MEIOB: variants seen among roughly 807,000 people sequenced by gnomAD.
MEIOB encodes meiosis specific with OB-fold, also known as meiosis-specific with OB domain-containing protein.
In MEIOB, 50 loss-of-function variants were observed where a neutral mutation model predicts 53.1. The observed-to-expected ratio is 0.94, with a 90% CI of 0.75 to 1.19. The LOEUF is 1.19. Ranked by LOEUF, MEIOB falls within the 50% of genes most tolerant of loss-of-function variation. The pLI, the probability that MEIOB is intolerant of heterozygous loss-of-function variation, is 0.00. For synonymous variants in MEIOB, 192 were observed against 182.5 expected (o/e 1.05, Z -0.42); for missense variants, 551 against 550.8 (o/e 1.00, Z 0.00).
At position 1,837,876 on chromosome 16, in the gene MEIOB, T is replaced by TA. The variant is rs759300021; in HGVS notation, c.1219-7dup. On this transcript the variant is annotated splice_region_variant and splice_polypyrimidine_tract_variant and intron_variant, in intron 12 of 13. Coordinates refer to ENST00000325962, the MANE Select transcript of MEIOB (RefSeq NM_001163560.3). The stretch of plus-strand genomic sequence containing the variant: ...ATTGCAAGAAACTCATGTACCTGGT[T>TA]AAAAAAAAAATATGAGACAAATATA... 4,399 of 1,313,688 alleles carry TA rather than the reference T, an allele frequency of 3.3e-3. No homozygotes were observed. Among genetic ancestry groups the TA allele is most frequent in the South Asian group, 5.4e-3 (356 of 65,356 alleles). The allele number at this position is 1,313,688 out of a possible 1,614,324, so 81.4% of individuals were successfully genotyped here.
chr16:1,854,898 G>A (rs1899262792), intron 6 of MEIOB, among the ~76,000 whole-genome samples: 1 of 151,982 alleles, frequency 6.6e-6, no homozygotes, highest in South Asian at 2.1e-4. Flanking sequence ...TCTCATGTGG[G>A]AACGGCAGGC....
intron 9 of MEIOB, among the ~76,000 whole-genome samples, chr16:1,847,577 C>T (rs1233084432): frequency 1.4e-5 from 2 of 147,852 alleles, no homozygotes; most frequent in South Asian, 2.2e-4. Context: ...TTGAGACCCC[C>T]CAAAAAAAAG....
chr16:1,865,151 G>T (rs993245429), intron 3 of MEIOB, among the ~76,000 whole-genome samples: 3 of 152,064 alleles, frequency 2.0e-5, no homozygotes, highest in South Asian at 4.1e-4. Context: ...TCAACCAGGG[G>T]CTGGGCATGG....
intron 4 of MEIOB, among the ~76,000 whole-genome samples, chr16:1,861,601 G>A (rs1423740359): frequency 2.1e-5 from 3 of 145,454 alleles, no homozygotes; most frequent in Non-Finnish European, 3.0e-5. Flanking sequence ...GGAGTGCAGA[G>A]GTACGATGTT....
At chr16:1,864,916 T>A (rs1439330025) in intron 3 of MEIOB, among the ~76,000 whole-genome samples, 1 of 152,220 alleles carries the variant, frequency 6.6e-6, no homozygotes, top group East Asian at 1.9e-4. Flanking sequence ...AAACTATTTA[T>A]TTAGTATTTC....
At chr16:1,847,626 G>GA (rs550868281) in intron 9 of MEIOB, among the ~76,000 whole-genome samples, 7 of 151,686 alleles carry the variant, frequency 4.6e-5, no homozygotes, top group Admixed American at 1.3e-4. Flanking sequence ...AGGGGAGAAA[G>GA]AAAAAACAGA....
intron 7 of MEIOB, 54 bp from the exon 8 acceptor site, chr16:1,853,325 T>G: frequency 3.9e-6 from 5 of 1,298,072 alleles, no homozygotes; most frequent in Non-Finnish European, 5.4e-6. Context: ...AAAAAACTGA[T>G]AGTGACATAT....
intron 5 of MEIOB, among the ~76,000 whole-genome samples, chr16:1,858,384 C>G (rs191504951): frequency 6.6e-6 from 1 of 152,122 alleles, no homozygotes; most frequent in Non-Finnish European, 1.5e-5. Context: ...ACAGTGAGCC[C>G]GAACTGAGGA....
Position 1,865,446 on chromosome 16 carries a change from A to G in MEIOB, c.127+332T>C, listed in dbSNP as rs539713496. Among the ~76,000 whole-genome samples the G allele has an allele frequency of 6.6e-3, 925 of 139,398 alleles. 13 individuals are homozygous for G. Among genetic ancestry groups the G allele is most frequent in the African/African-American group, 0.024 (905 of 38,198 alleles). The allele number at this position is 139,398 out of a possible 152,430, so 91.5% of individuals were successfully genotyped here. A position where few individuals can be genotyped will look rare whatever the true frequency, so the allele number is the denominator to read the frequency against. ...GCCTCCATCTCAAAAAAAAAAAGAGAGAACACATGTACTCAAATATACATA... is the reference window on the plus strand; with the variant it reads ...GCCTCCATCTCAAAAAAAAAAAGAGGGAACACATGTACTCAAATATACATA... On this transcript the variant is annotated intron_variant, in intron 3 of 13. Transcript: ENST00000325962.
intron 6 of MEIOB, 172 bp downstream of exon 6, chr16:1,857,563 A>C (rs1899337479): frequency 1.8e-6 from 1 of 547,458 alleles, no homozygotes; most frequent in Admixed American, 3.7e-5. Flanking sequence ...CACAGATAAA[A>C]AGCTAGTTTC....
chr16:1,855,320 T>C (rs773208855), intron 6 of MEIOB, among the ~76,000 whole-genome samples: 3 of 152,070 alleles, frequency 2.0e-5, no homozygotes, highest in Non-Finnish European at 4.4e-5. Flanking sequence ...TAGTCCTGGC[T>C]ACTCGGGAGG....
intron 3 of MEIOB, among the ~76,000 whole-genome samples, chr16:1,864,920 G>T (rs1164171462): frequency 6.6e-6 from 1 of 152,112 alleles, no homozygotes; most frequent in Admixed American, 6.6e-5. Flanking sequence ...TATTTATTTA[G>T]TATTTCTGAT....
In MEIOB at chr16:1,857,947, CAAGA is replaced by C. The variant is rs756520048; in HGVS notation, c.333-21_333-18del. 2.7e-6 allele frequency: 4 copies of C among 1,462,104 alleles called. No homozygotes were observed. The East Asian group carries it at 1.0e-4, about 37-fold the overall frequency. The allele number at this position is 1,462,104 out of a possible 1,614,324, so 90.6% of individuals were successfully genotyped here. ...TTACAGTTGCTAAATTGCAAAAACA[CAAGA>C]AAGTTATTTGAAAGTGATCTTTGGA... On this transcript the variant is annotated intron_variant, in intron 5 of 13. Coordinates refer to ENST00000325962, the MANE Select transcript of MEIOB (RefSeq NM_001163560.3).
At chr16:1,836,773 C>A (rs1030771873) in intron 13 of MEIOB, among the ~76,000 whole-genome samples, 1 of 147,198 alleles carries the variant, frequency 6.8e-6, no homozygotes, top group Non-Finnish European at 1.5e-5. Context: ...AACACTAATT[C>A]TCTCATCAGC....
chr16:1,845,081 T>A (rs1400989234), intron 9 of MEIOB, 118 bp from the exon 10 acceptor site: 2 of 572,626 alleles, frequency 3.5e-6, no homozygotes, highest in East Asian at 6.0e-5. Flanking sequence ...TACAATCAAA[T>A]AGAATATTAC....
At chr16:1,857,621 G>C (rs1381834653) in intron 6 of MEIOB, 114 bp downstream of exon 6, 2 of 711,996 alleles carry the variant, frequency 2.8e-6, no homozygotes, top group Admixed American at 3.1e-5. Context: ...ATACTACCAA[G>C]ATAGAGAAGA....
At position 1,857,736 on chromosome 16, in the gene MEIOB, G is replaced by T. The variant is rs114880550; in HGVS notation, c.527C>A (p.Ser176Ter). 3.2e-6 allele frequency: 5 copies of T among 1,550,656 alleles called. No homozygotes were observed. The highest frequency in any genetic ancestry group is 4.4e-6 in the Non-Finnish European group (5 of 1,146,640). ...RIINVLAAVKSVGEPKYFTTS... is the reference protein window; with the variant it reads ...RIINVLAAVK ...GGCTTTGTCGGGGTTTTAACTTACC[G>T]ATTTCACAGCTGCAAGCACGTTAAT... Residue 176 changes from serine (S) to a stop codon, truncating the protein, a stop_gained and splice_region_variant, in exon 6 of 14, where the codon TCG becomes TAG. Coordinates refer to ENST00000325962, the MANE Select transcript of MEIOB (RefSeq NM_001163560.3). LOFTEE classifies it high-confidence loss of function.
At chr16:1,868,874 T>TA (rs577122041) in intron 1 of MEIOB, among the ~76,000 whole-genome samples, 77 of 151,984 alleles carry the variant, frequency 5.1e-4, no homozygotes, top group African/African-American at 1.8e-3. Flanking sequence ...ATAAATAAAA[T>TA]AAAATAAAAT....
intron 12 of MEIOB, chr16:1,838,083 A>G: frequency 2.3e-6 from 2 of 857,300 alleles, no homozygotes; most frequent in Non-Finnish European, 3.6e-6. Flanking sequence ...TGCAGCCTCG[A>G]ACTCCCGGGG....
Sources: gnomAD v4.1 joint callset for allele counts (sites outside exome capture counted in the v4.1 genomes callset) on GRCh38, gnomAD v4.1.1 for gene constraint, MANE v1.5 for transcripts, NCBI Gene and HGNC (gene_info 2026-07-23, HGNC 2026-07-21) for gene names.